SORBS3: variants seen among roughly 807,000 people sequenced by gnomAD.
SORBS3 encodes vinexin.
A neutral mutation model predicts 98.0 loss-of-function variants in SORBS3; 69 were observed. That is an observed-to-expected ratio of 0.70 (90% CI 0.58 to 0.86). The LOEUF (loss-of-function observed/expected upper bound fraction) is 0.86. Ranked by LOEUF, SORBS3 falls within the 40% of genes least tolerant of loss-of-function variation. SORBS3 has a pLI of 0.00. For missense variants in SORBS3, 954 were observed against 908.5 expected, an observed-to-expected ratio of 1.05 and a Z score of -0.64; for synonymous variants, 394 against 355.4, an observed-to-expected ratio of 1.11 and a Z score of -1.22.
At position 22,564,021 on chromosome 8, in the gene SORBS3, A is replaced by C. The variant is rs377255325; in HGVS notation, c.619A>C (p.Ser207Arg). The C allele has an allele frequency of 2.5e-6, 4 of 1,614,026 alleles. No individual in the cohort carries two copies. The South Asian group carries it at 3.3e-5, about 13-fold the overall frequency. Residue 207 changes from serine to arginine, a missense_variant, in exon 8 of 21, where the codon AGC (serine) becomes CGC (arginine). Coordinates refer to ENST00000240123, the MANE Select transcript of SORBS3 (RefSeq NM_005775.5). Reference protein sequence around the residue: ...SWDHSEELPRSTFNYRPGAFS... With the variant: ...SWDHSEELPRRTFNYRPGAFS... Reference sequence around the variant, plus strand: ...GGACCACTCTGAAGAGTTACCTAGAAGCACCTTCAACTACAGACCTGGAGC... The same window carrying C: ...GGACCACTCTGAAGAGTTACCTAGACGCACCTTCAACTACAGACCTGGAGC...
chr8:22,571,042 G>A lies in SORBS3; in HGVS notation c.1564G>A (p.Asp522Asn), dbSNP rs1355120274. The change falls in exon 18 of 21, where the codon GAC becomes AAC. Residue 522 changes from aspartate to asparagine, a missense_variant. Physicochemically the swap from Asp to Asn is conservative, Grantham distance 23. Coordinates refer to ENST00000240123, the MANE Select transcript of SORBS3 (RefSeq NM_005775.5). ...VSREPRLRLC[D>N]DGPQLPTSPR... ...TCGTGAACCCCGGCTCCGGCTCTGT[G>A]ACGACGGCCCCCAGCTCCCCACGTC... is the stretch of plus-strand genomic sequence containing the variant. The A allele has an allele frequency of 6.2e-7, 1 of 1,613,424 alleles. No homozygotes were observed. Among genetic ancestry groups the A allele is most frequent in the African/African-American group, 1.3e-5 (1 of 74,980 alleles).
At chr8:22,551,710 G>T, upstream of SORBS3, 3 of 984,106 alleles carry the variant, frequency 3.0e-6, no homozygotes, top group Non-Finnish European at 3.6e-6. This position sits in a 1 kb window ranked among gnomAD's most constrained non-coding sequence, Gnocchi z 5.8. Flanking sequence ...GCGCCCCGAC[G>T]GACGGAGAGC....
chr8:22,546,268 C>T (rs1319367876), intron 1 of SORBS3, among the ~76,000 whole-genome samples: 2 of 152,136 alleles, frequency 1.3e-5, no homozygotes, highest in East Asian at 3.8e-4. Context: ...ACTTTATTGG[C>T]TCCCTGTGTC....
In SORBS3 at chr8:22,565,351, C is replaced by T. The variant is rs766154275; in HGVS notation, c.900C>T (p.Pro300=). 7.5e-5 allele frequency: 117 copies of T among 1,551,246 alleles called. No individual in the cohort carries two copies. In the East Asian group the frequency reaches 1.3e-3, roughly 17 times the overall value. The change falls in exon 11 of 21, where the codon CCC becomes CCT. Residue 300 remains proline, a synonymous_variant. Coordinates refer to ENST00000240123, the MANE Select transcript of SORBS3 (RefSeq NM_005775.5). ...CAATTGAGACCCGACTGCCGTCCCCCAAGGTACCAGCCCCCAGGGTTCACC... is the reference window on the plus strand; with the variant it reads ...CAATTGAGACCCGACTGCCGTCCCCTAAGGTACCAGCCCCCAGGGTTCACC... The part of the protein sequence containing the change: ...LRAIETRLPS[P]KSSPAPRRAP...
Position 22,564,467 on chromosome 8 carries a change from G to A in SORBS3, c.763-1G>A, listed in dbSNP as rs1285354402. On this transcript the variant is annotated splice_acceptor_variant, in intron 9 of 20. Coordinates refer to ENST00000240123, the MANE Select transcript of SORBS3 (RefSeq NM_005775.5). LOFTEE classifies it high-confidence loss of function. The stretch of plus-strand genomic sequence containing the variant: ...TCTGACACACCCTTTCTACCCTTCA[G>A]CCCAAGAAACCGCTGGTGGACGACC... The A allele has an allele frequency of 3.1e-6, 5 of 1,613,990 alleles. No individual in the cohort carries two copies. The African/African-American group carries it at 5.3e-5, about 17-fold the overall frequency.
chr8:22,557,259 A>C (rs1840201728), intron 4 of SORBS3, among the ~76,000 whole-genome samples: 2 of 152,132 alleles, frequency 1.3e-5, no homozygotes, highest in Non-Finnish European at 2.9e-5. Flanking sequence ...TGCTGAATGA[A>C]TGACTGACCG....
chr8:22,569,590 A>G (rs1438365488), intron 17 of SORBS3, among the ~76,000 whole-genome samples: 1 of 152,134 alleles, frequency 6.6e-6, no homozygotes, highest in Non-Finnish European at 1.5e-5. Flanking sequence ...CACCCGCCTC[A>G]GCCTCCTAAA....
At chr8:22,573,976 G>A (rs567486493) in intron 20 of SORBS3, among the ~76,000 whole-genome samples, 55 of 152,346 alleles carry the variant, frequency 3.6e-4, no homozygotes, top group African/African-American at 1.2e-3. Context: ...GGGGTGTGCA[G>A]GGAAAAGGGG....
chr8:22,554,678 G>T lies in SORBS3; in HGVS notation c.102+70G>T. On this transcript the variant is annotated intron_variant, in intron 2 of 20. Coordinates refer to ENST00000240123, the MANE Select transcript of SORBS3 (RefSeq NM_005775.5). This position sits in a 1 kb window ranked among gnomAD's most constrained non-coding sequence, Gnocchi z 6.5. ...TGGTTGGGACGCTAGCAGGTCAGGT[G>T]GGGGCAGGAGGATGAAAGGGATGGA... The T allele has an allele frequency of 7.4e-6, 11 of 1,494,506 alleles. No individual in the cohort carries two copies. The highest frequency in any genetic ancestry group is 1.3e-5 in the South Asian group (1 of 79,566). The allele number at this position is 1,494,506 out of a possible 1,614,324, so 92.6% of individuals were successfully genotyped here.
chr8:22,566,684 G>A lies in SORBS3; in HGVS notation c.1114G>A (p.Gly372Ser), dbSNP rs1314210045. 6.2e-7 allele frequency: 1 copy of A among 1,610,974 alleles called. No homozygotes were observed. Among genetic ancestry groups the A allele is most frequent in the East Asian group, 2.2e-5 (1 of 44,872 alleles). ...AGACCCTAGTGCCTCTAACGGAGGG[G>A]GCAGCCCAGCCAGGAGGGAAGAGAA... ...TRDPSASNGG[G>S]SPARREEKKR... Residue 372 changes from glycine to serine, a missense_variant, in exon 14 of 21, where the codon GGC (glycine) becomes AGC (serine). Transcript: ENST00000240123.
chr8:22,564,318 G>C lies in SORBS3; in HGVS notation c.711G>C (p.Trp237Cys), dbSNP rs754260264. ...LRRREKVDNVWTEESWNQFLQ... is the reference protein window; with the variant it reads ...LRRREKVDNVCTEESWNQFLQ... ...GCCGGGAAAAAGTAGACAATGTCTG[G>C]ACGGAAGAGTCCTGGAACCAGTTTC... Residue 237 changes from tryptophan to cysteine, a missense_variant, in exon 9 of 21, where the codon TGG (tryptophan) becomes TGC (cysteine). Physicochemically the swap from Trp to Cys is radical, Grantham distance 215. Coordinates refer to ENST00000240123, the MANE Select transcript of SORBS3 (RefSeq NM_005775.5). 1.2e-6 allele frequency: 2 copies of C among 1,613,120 alleles called. No individual in the cohort carries two copies.
chr8:22,566,172 T>C lies in SORBS3; in HGVS notation c.951-173T>C, dbSNP rs1242308607. 3 of 904,150 alleles carry C rather than the reference T, an allele frequency of 3.3e-6. No homozygotes were observed. The East Asian group carries it at 9.0e-5, about 27-fold the overall frequency. The allele number at this position is 904,150 out of a possible 1,614,324, so 56.0% of individuals were successfully genotyped here. A position where few individuals can be genotyped will look rare whatever the true frequency, so the allele number is the denominator to read the frequency against. On this transcript the variant is annotated intron_variant, in intron 12 of 20. Coordinates refer to ENST00000240123, the MANE Select transcript of SORBS3 (RefSeq NM_005775.5). Reference sequence around the variant, plus strand: ...GCTGGGCCCTGCCGGGCCTCACCCTTCCCCGCGCAGCGACTCGGGAAGTAG... The same window carrying C: ...GCTGGGCCCTGCCGGGCCTCACCCTCCCCCGCGCAGCGACTCGGGAAGTAG...
upstream of SORBS3, chr8:22,551,818 C>T (rs1840086561): frequency 2.0e-6 from 2 of 985,642 alleles, no homozygotes; most frequent in Admixed American, 6.2e-5. This position sits in a 1 kb window ranked among gnomAD's most constrained non-coding sequence, Gnocchi z 5.8. Flanking sequence ...ACGGTCCGGC[C>T]TCCGGCGCGC....
At position 22,554,455 on chromosome 8, in the gene SORBS3, A is replaced by G; in HGVS notation, c.-52A>G. On this transcript the variant is annotated 5_prime_UTR_variant, in exon 2 of 21. Coordinates refer to ENST00000240123, the MANE Select transcript of SORBS3 (RefSeq NM_005775.5). This position sits in a 1 kb window ranked among gnomAD's most constrained non-coding sequence, Gnocchi z 6.5. ...CTTCCTTCCTCCTTCCCCACAGAGG[A>G]CACGCAGAGGAGCAGCTGGCTTGCC... 1.9e-6 allele frequency: 3 copies of G among 1,587,166 alleles called. No homozygotes were observed. The highest frequency in any genetic ancestry group is 2.6e-6 in the Non-Finnish European group (3 of 1,171,494).
chr8:22,565,777 C>A, intron 11 of SORBS3, 49 bp from the exon 12 acceptor site: 2 of 1,304,134 alleles, frequency 1.5e-6, no homozygotes, highest in South Asian at 2.1e-5. Context: ...CCTCGGCTGC[C>A]GCTGGGTCCC....
chr8:22,558,928 G>T lies in SORBS3; in HGVS notation c.478+736G>T, dbSNP rs149787797. Reference sequence around the variant, plus strand: ...AGAGGTAGAAGCATGTTCTGGACGGGCAAGGAGAGCCTGGCCTGGAGCGAG... The same window carrying T: ...AGAGGTAGAAGCATGTTCTGGACGGTCAAGGAGAGCCTGGCCTGGAGCGAG... On this transcript the variant is annotated intron_variant, in intron 5 of 20. Transcript: ENST00000240123. Among the ~76,000 whole-genome samples, 31 of 152,352 alleles carry T rather than the reference G, an allele frequency of 2.0e-4. 1 individual carries two copies. The East Asian group carries it at 5.8e-3, about 28-fold the overall frequency.
intron 17 of SORBS3, among the ~76,000 whole-genome samples, chr8:22,569,991 T>A (rs1016722662): frequency 2.0e-5 from 3 of 152,256 alleles, no homozygotes; most frequent in Non-Finnish European, 4.4e-5. Context: ...CACTTTATCA[T>A]ACCGTAGGCA....
At position 22,554,652 on chromosome 8, in the gene SORBS3, T is replaced by G. The variant is rs1840150760; in HGVS notation, c.102+44T>G. On this transcript the variant is annotated intron_variant, in intron 2 of 20. Transcript: ENST00000240123. This position sits in a 1 kb window ranked among gnomAD's most constrained non-coding sequence, Gnocchi z 6.5. ...AGGAGGGTGTCCTGCGGGCCCGGAG[T>G]TGGTTGGGACGCTAGCAGGTCAGGT... 1 of 1,568,414 alleles carries G rather than the reference T, an allele frequency of 6.4e-7. No homozygotes were observed. Among genetic ancestry groups the G allele is most frequent in the Non-Finnish European group, 8.6e-7 (1 of 1,160,852 alleles).
chr8:22,555,089 G>A (rs1840160326), intron 3 of SORBS3, 109 bp downstream of exon 3: 12 of 923,556 alleles, frequency 1.3e-5, no homozygotes, highest in Non-Finnish European at 2.0e-5. Context: ...GGGTTCTCAA[G>A]GCCATGAGGA....
Sources: gnomAD v4.1 joint callset for allele counts (sites outside exome capture counted in the v4.1 genomes callset) on GRCh38, gnomAD v4.1.1 for gene constraint, Gnocchi (gnomAD v3.1) non-coding constraint, MANE v1.5 for transcripts, NCBI Gene and HGNC (gene_info 2026-07-23, HGNC 2026-07-21) for gene names.